Variants in CNGB1 observed in about 807,000 individuals in gnomAD.
CNGB1 encodes the protein cyclic nucleotide gated channel subunit beta 1.
CNGB1 carries 126 observed loss-of-function variants against 151.7 expected under a neutral mutation model. The ratio of observed to expected loss-of-function variants is 0.83; its 90% CI spans 0.72 to 0.96. CNGB1 has a LOEUF of 0.96. CNGB1 is among the 40% of genes least tolerant of loss of function. The probability of loss-of-function intolerance (pLI) is 0.00; values close to 1 mark genes in which losing one functional copy is unlikely to be tolerated. For missense variants in CNGB1, 1,698 were observed against 1,627.0 expected (o/e 1.04, Z -0.75); for synonymous variants, 623 against 635.1 (o/e 0.98, Z 0.29).
Position 57,904,853 on chromosome 16 carries a change from C to T in CNGB1, c.2515G>A (p.Ala839Thr), listed in dbSNP as rs1272590390. ...CCGATGGTGATGAGGGTCTTCACAGCAAAGTAGTAACAGCGAATATAACTG... is the reference window on the plus strand; with the variant it reads ...CCGATGGTGATGAGGGTCTTCACAGTAAAGTAGTAACAGCGAATATAACTG... The part of the protein sequence containing the change: ...GNSYIRCYYF[A>T]VKTLITIGGL... The change falls in exon 26 of 33, where the codon GCT becomes ACT. Residue 839 changes from alanine to threonine, a missense_variant. Transcript: ENST00000251102. The T allele has an allele frequency of 6.2e-7, 1 of 1,614,116 alleles. No individual in the cohort carries two copies.
intron 27 of CNGB1, among the ~76,000 whole-genome samples, chr16:57,902,039 GT>G (rs1222182551): frequency 2.0e-5 from 3 of 151,718 alleles, no homozygotes; most frequent in Non-Finnish European, 2.9e-5. Context: ...CCAGGCACCT[GT>G]TTTTTTTGTT....
intron 32 of CNGB1, among the ~76,000 whole-genome samples, chr16:57,887,561 C>T (rs1475122858): frequency 1.3e-5 from 2 of 151,926 alleles, no homozygotes; most frequent in Non-Finnish European, 2.9e-5. Flanking sequence ...GAGATAAAAC[C>T]ATCACTGAAT....
intron 16 of CNGB1, among the ~76,000 whole-genome samples, chr16:57,937,751 T>G (rs1239348646): frequency 6.6e-6 from 1 of 152,202 alleles, no homozygotes; most frequent in African/African-American, 2.4e-5. Context: ...TAATTTCACT[T>G]CCAACCAGAA....
intron 16 of CNGB1, 117 bp from the exon 17 acceptor site, chr16:57,931,995 T>C (rs1336721985): frequency 1.8e-6 from 2 of 1,123,302 alleles, no homozygotes; most frequent in Non-Finnish European, 2.6e-6. Flanking sequence ...CTCTGATAGC[T>C]TCACTTCCCA....
Position 57,950,785 on chromosome 16 carries a change from G to A in CNGB1, c.875-245C>T, listed in dbSNP as rs77648982. ...TCCCCCCTTCTCCTCTTGAGACAGA[G>A]CTTTGATTATGGTTGATCCTGTTTG... On this transcript the variant is annotated intron_variant, in intron 12 of 32. Coordinates refer to ENST00000251102, the MANE Select transcript of CNGB1 (RefSeq NM_001297.5). Among the ~76,000 whole-genome samples, 228 of 152,348 alleles carry A rather than the reference G, an allele frequency of 1.5e-3. 3 individuals are homozygous for A. In the East Asian group the frequency reaches 0.038, roughly 26 times the overall value.
chr16:57,908,098 C>G (rs1228590595), intron 25 of CNGB1, among the ~76,000 whole-genome samples: 1 of 152,208 alleles, frequency 6.6e-6, no homozygotes, highest in East Asian at 1.9e-4. Flanking sequence ...CCCATATTGC[C>G]TAGGCTGGTC....
chr16:57,948,319 T>C (rs62041772), intron 14 of CNGB1, among the ~76,000 whole-genome samples: 116 of 6,384 alleles, frequency 0.018, no homozygotes, highest in East Asian at 0.13. Context: ...TCTTCTTCTT[T>C]TTTTTTTTTT....
intron 18 of CNGB1, 27 bp downstream of exon 18, chr16:57,923,246 T>C (rs2149367942): frequency 7.6e-7 from 1 of 1,323,476 alleles, no homozygotes; most frequent in Non-Finnish European, 1.1e-6. Flanking sequence ...AGTCTTTCAA[T>C]TTTCTGAGAC....
In CNGB1 at chr16:57,912,894, G is replaced by A. The variant is rs776340802; in HGVS notation, c.2369+36C>T. 10 of 1,598,464 alleles carry A rather than the reference G, an allele frequency of 6.3e-6. No individual in the cohort carries two copies. The South Asian group carries it at 1.1e-4, about 18-fold the overall frequency. On this transcript the variant is annotated intron_variant, in intron 24 of 32. Coordinates refer to ENST00000251102, the MANE Select transcript of CNGB1 (RefSeq NM_001297.5). ...TGTTGTGTGTTTGTGAGTGTCATGTGTGTGTGCATGCATGCACATGCAGGG... is the reference window on the plus strand; with the variant it reads ...TGTTGTGTGTTTGTGAGTGTCATGTATGTGTGCATGCATGCACATGCAGGG...
chr16:57,963,925 T>A, intron 4 of CNGB1: 3 of 580,030 alleles, frequency 5.2e-6, no homozygotes, highest in Non-Finnish European at 9.2e-6. Flanking sequence ...AATTACAAAC[T>A]GGGAGCTTCA....
In CNGB1 at chr16:57,960,480, A is replaced by G. The variant is rs755036276; in HGVS notation, c.583+2T>C. 6.2e-6 allele frequency: 10 copies of G among 1,613,282 alleles called. No individual in the cohort carries two copies. In the African/African-American group the frequency reaches 1.3e-4, roughly 22 times the overall value. On this transcript the variant is annotated splice_donor_variant, in intron 9 of 32. Coordinates refer to ENST00000251102, the MANE Select transcript of CNGB1 (RefSeq NM_001297.5). LOFTEE classifies it high-confidence loss of function. Reference sequence around the variant, plus strand: ...CCCCCTCCCGAGCTCCCCTCCCTGTACCTGGGTCTGAGGCAGCACCTGTAG... The same window carrying G: ...CCCCCTCCCGAGCTCCCCTCCCTGTGCCTGGGTCTGAGGCAGCACCTGTAG...
chr16:57,958,590 C>T (rs1962151440), intron 10 of CNGB1, 105 bp from the exon 11 acceptor site: 12 of 980,496 alleles, frequency 1.2e-5, no homozygotes, highest in Non-Finnish European at 1.9e-5. Context: ...TGCCAAAAGG[C>T]AGAGCCTGCC....
chr16:57,889,613 T>C (rs181372627), intron 31 of CNGB1, among the ~76,000 whole-genome samples: 153 of 152,296 alleles, frequency 1.0e-3, no homozygotes, highest in South Asian at 3.1e-3. Flanking sequence ...ACAGCTAAAT[T>C]TGTGGTAATA....
chr16:57,903,962 GC>G lies in CNGB1; in HGVS notation c.2653del (p.Ala885ProfsTer17), dbSNP rs756280349. 2.5e-6 allele frequency: 4 copies of G among 1,613,744 alleles called. No homozygotes were observed. The highest frequency in any genetic ancestry group is 2.7e-5 in the African/African-American group (2 of 74,910). ...MIGQMRDVVG[A>X]ATAGQTYYRS... ...GTAGTAGGTCTGTCCGGCGGTGGCGGCCCCTACCACATCTCTCATCTGGGGG... is the reference window on the plus strand; with the variant it reads ...GTAGTAGGTCTGTCCGGCGGTGGCGGCCCTACCACATCTCTCATCTGGGGG... On this transcript the variant is annotated frameshift_variant, in exon 27 of 33. Transcript: ENST00000251102. LOFTEE classifies it high-confidence loss of function.
chr16:57,965,929 C>CACATATATGT (rs1962387559), intron 2 of CNGB1, among the ~76,000 whole-genome samples: 2 of 152,212 alleles, frequency 1.3e-5, no homozygotes, highest in Non-Finnish European at 2.9e-5. Flanking sequence ...GCACACTACA[C>CACATATATGT]ACATATATGT....
At chr16:57,895,092 T>C (rs1190475667) in intron 31 of CNGB1, among the ~76,000 whole-genome samples, 1 of 152,200 alleles carries the variant, frequency 6.6e-6, no homozygotes, top group Non-Finnish European at 1.5e-5. Flanking sequence ...CTTCCCTGTA[T>C]TGCTCAGTGT....
In CNGB1 at chr16:57,916,121, G is replaced by T; in HGVS notation, c.2217+8C>A. The T allele has an allele frequency of 6.2e-7, 1 of 1,613,760 alleles. No individual in the cohort carries two copies. On this transcript the variant is annotated splice_region_variant and intron_variant, in intron 22 of 32. Coordinates refer to ENST00000251102, the MANE Select transcript of CNGB1 (RefSeq NM_001297.5). ...GCAGACGCTAAACCTTGCATGCCCG[G>T]CACACACCTTGAAGCGGCGAGACTT...
At chr16:57,936,805 A>AC (rs1440086418) in intron 16 of CNGB1, among the ~76,000 whole-genome samples, 4 of 151,996 alleles carry the variant, frequency 2.6e-5, no homozygotes, top group African/African-American at 7.3e-5. Flanking sequence ...CAAACAAAAA[A>AC]AAAACAAAAG....
At chr16:57,945,961 C>T (rs1471144916) in intron 14 of CNGB1, among the ~76,000 whole-genome samples, 4 of 152,192 alleles carry the variant, frequency 2.6e-5, no homozygotes, top group Non-Finnish European at 5.9e-5. Flanking sequence ...CTAAACAGCC[C>T]AGTGGTGGCG....
Sources: allele counts gnomAD v4.1 joint callset (sites outside exome capture counted in the v4.1 genomes callset), GRCh38; gene constraint gnomAD v4.1.1; transcripts MANE v1.5; gene names NCBI Gene and HGNC (gene_info 2026-07-23, HGNC 2026-07-21).